The following FGD5 variants were observed in gnomAD, a reference collection of about 807,000 sequenced individuals.
FGD5 encodes the protein FYVE, RhoGEF and PH domain containing 5.
A neutral mutation model predicts 133.4 loss-of-function variants in FGD5; 28 were observed. The ratio of observed to expected loss-of-function variants is 0.21; its 90% confidence interval spans 0.16 to 0.29. The LOEUF (loss-of-function observed/expected upper bound fraction) is 0.29. Ranked by LOEUF, FGD5 falls within the 10% of genes least tolerant of loss-of-function variation. FGD5 has a pLI of 1.00. For missense variants in FGD5, 1,858 were observed against 1,895.2 expected (o/e 0.98, Z 0.36); for synonymous variants, 810 against 776.5 (o/e 1.04, Z -0.72).
Position 14,933,173 on chromosome 3 carries a change from A to G in FGD5, c.*6A>G. The stretch of plus-strand genomic sequence containing the variant: ...AAGATGCGAGTGTGTTATAGCAGTT[A>G]TCAAGCATGTGGACTTGTAACAAAT... On this transcript the variant is annotated 3_prime_UTR_variant, in exon 20 of 20. Coordinates refer to ENST00000285046, the MANE Select transcript of FGD5 (RefSeq NM_152536.4). The G allele has an allele frequency of 1.9e-6, 3 of 1,613,406 alleles. No individual in the cohort carries two copies. The highest frequency in any genetic ancestry group is 2.5e-6 in the Non-Finnish European group (3 of 1,179,666).
intron 1 of FGD5, among the ~76,000 whole-genome samples, chr3:14,863,848 C>T: frequency 6.6e-6 from 1 of 152,202 alleles, no homozygotes; most frequent in South Asian, 2.1e-4. Flanking sequence ...CTGCCCGCAT[C>T]CTGAGTTATT....
intron 4 of FGD5, among the ~76,000 whole-genome samples, chr3:14,882,605 G>A (rs1054619304): frequency 3.3e-5 from 5 of 151,780 alleles, no homozygotes; most frequent in Non-Finnish European, 5.9e-5. Context: ...GGCTAAGAGA[G>A]GAGAATCACT....
intron 16 of FGD5, 175 bp downstream of exon 16, chr3:14,923,350 TG>T (rs1289272191): frequency 2.3e-5 from 20 of 865,726 alleles, no homozygotes; most frequent in African/African-American, 5.1e-5. Flanking sequence ...ATGTGGATTC[TG>T]TGGAAAATTG....
At chr3:14,857,171 C>A (rs1012606787) in intron 1 of FGD5, among the ~76,000 whole-genome samples, 18 of 142,252 alleles carry the variant, frequency 1.3e-4, no homozygotes, top group African/African-American at 4.5e-4. Flanking sequence ...TTTTTTTGTT[C>A]TAGAGACAGG....
At chr3:14,855,002 C>A (rs1055250537) in intron 1 of FGD5, among the ~76,000 whole-genome samples, 3 of 152,174 alleles carry the variant, frequency 2.0e-5, no homozygotes, top group Non-Finnish European at 4.4e-5. Flanking sequence ...AGATCTCTCC[C>A]TATCCTCACC....
intron 1 of FGD5, among the ~76,000 whole-genome samples, chr3:14,813,792 C>G (rs897544925): frequency 1.3e-5 from 2 of 150,686 alleles, no homozygotes; most frequent in African/African-American, 5.0e-5. Flanking sequence ...GCTCCTGGCT[C>G]CCCATCCAGT....
intron 1 of FGD5, among the ~76,000 whole-genome samples, chr3:14,848,795 G>A (rs2037104300): frequency 6.6e-6 from 1 of 152,210 alleles, no homozygotes; most frequent in Admixed American, 6.5e-5. Flanking sequence ...AGAGTAGGAT[G>A]TAAGGGTTGA....
At chr3:14,848,542 A>G (rs1036193002) in intron 1 of FGD5, among the ~76,000 whole-genome samples, 1 of 152,194 alleles carries the variant, frequency 6.6e-6, no homozygotes, top group African/African-American at 2.4e-5. Context: ...CCCATGGGGT[A>G]CAGGTTAGGC....
Position 14,821,591 on chromosome 3 carries a change from A to C in FGD5, c.2520A>C (p.Ala840=), listed in dbSNP as rs2036504850. The change falls in exon 1 of 20, where the codon GCA becomes GCC. Residue 840 remains alanine, a synonymous_variant. Coordinates refer to ENST00000285046, the MANE Select transcript of FGD5 (RefSeq NM_152536.4). ...AACAGCAGAGTGCAGACCAGGACGC[A>C]GAAAGGTACCTGACATTCTATTTCC... ...ESKQQSADQD[A]ESAYTEPYKV... is the part of the protein sequence containing the mutation. The C allele has an allele frequency of 6.3e-7, 1 of 1,588,502 alleles. No homozygotes were observed. The highest frequency in any genetic ancestry group is 8.6e-7 in the Non-Finnish European group (1 of 1,165,058).
rs2036431967 is a variant in FGD5 at position 14,819,275 on chromosome 3, C to T, written c.204C>T (p.Val68=). 5 of 1,531,282 alleles carry T rather than the reference C, an allele frequency of 3.3e-6. No individual in the cohort carries two copies. In the East Asian group the frequency reaches 1.2e-4, roughly 38 times the overall value. The allele number at this position is 1,531,282 out of a possible 1,614,324, so 94.9% of individuals were successfully genotyped here. A position where few individuals can be genotyped will look rare whatever the true frequency, so the allele number is the denominator to read the frequency against. ...AGACCGACGAGGATTACATCGTGGT[C>T]CCCAGGGTTCCGCTGAGGGAGGATG... ...ESETDEDYIV[V]PRVPLREDEP... Residue 68 remains valine, a synonymous_variant, in exon 1 of 20, where the codon GTC becomes GTT. Coordinates refer to ENST00000285046, the MANE Select transcript of FGD5 (RefSeq NM_152536.4). The surrounding 1 kb of genome is among the most constrained non-coding windows in gnomAD (Gnocchi z 4.1).
At chr3:14,876,477 TAAC>T (rs1458098249) in intron 2 of FGD5, among the ~76,000 whole-genome samples, 1 of 152,076 alleles carries the variant, frequency 6.6e-6, no homozygotes, top group Non-Finnish European at 1.5e-5. Flanking sequence ...CATTTTAAAA[TAAC>T]AAACCCATTA....
chr3:14,858,559 C>T (rs1016782136), intron 1 of FGD5, among the ~76,000 whole-genome samples: 2 of 152,186 alleles, frequency 1.3e-5, no homozygotes, highest in African/African-American at 2.4e-5. Context: ...AGACTATAGA[C>T]ACTGTACCCT....
At chr3:14,921,228 T>C (rs2038673563) in intron 13 of FGD5, 1 of 153,064 alleles carries the variant, frequency 6.5e-6, no homozygotes, top group South Asian at 2.1e-4. Context: ...CAATGCTGAT[T>C]CAGCCTCTGC....
chr3:14,836,502 G>T (rs2125081556), intron 1 of FGD5, among the ~76,000 whole-genome samples: 1 of 152,352 alleles, frequency 6.6e-6, no homozygotes, highest in Non-Finnish European at 1.5e-5. Flanking sequence ...TCTGCATTCA[G>T]CAGCACCGTG....
chr3:14,864,626 A>G (rs9815168), intron 2 of FGD5, among the ~76,000 whole-genome samples: 1 of 152,190 alleles, frequency 6.6e-6, no homozygotes, highest in Non-Finnish European at 1.5e-5. Context: ...AGTGGAAATC[A>G]TGAGGGTGAG....
chr3:14,863,321 G>T (rs2037436039), intron 1 of FGD5, among the ~76,000 whole-genome samples: 2 of 152,236 alleles, frequency 1.3e-5, no homozygotes, highest in African/African-American at 4.8e-5. Context: ...TAATCAGTCT[G>T]CTGTGTAGAG....
Position 14,922,838 on chromosome 3 carries a change from GGGCTCATCAGAAAAGCAGATAGGCGCT to G in FGD5, c.3808-201_3808-175del, listed in dbSNP as rs1352017211. 3.3e-5 allele frequency among the ~76,000 whole-genome samples: 5 copies of G among 152,148 alleles called. No individual in the cohort carries two copies. The highest frequency in any genetic ancestry group is 1.3e-4 in the Admixed American group (2 of 15,268). On this transcript the variant is annotated intron_variant, in intron 15 of 19. Transcript: ENST00000285046. The surrounding 1 kb of genome is among the most constrained non-coding windows in gnomAD (Gnocchi z 4.1). The stretch of plus-strand genomic sequence containing the variant: ...AGTATCATGTAGTGGTTAAGGGCGC[GGGCTCATCAGAAAAGCAGATAGGCGCT>G]GGCTCAGAAACAAGATGAAGCCTTG...
intron 13 of FGD5, among the ~76,000 whole-genome samples, chr3:14,919,567 G>A (rs964524005): frequency 8.5e-5 from 13 of 152,170 alleles, no homozygotes; most frequent in African/African-American, 2.7e-4. Context: ...GCAGTGAGCC[G>A]AGATTGCACC....
Position 14,921,976 on chromosome 3 carries a change from T to C in FGD5, c.3628T>C (p.Tyr1210His). ...TCTGAGCAGAGCCCTCCCTGAGGAC[T>C]ACAAGGCCCAGGCGCTGGCTGCATT... ...GCLSRALPED[Y>H]KAQALAAFHH... The change falls in exon 14 of 20, where the codon TAC becomes CAC. Residue 1210 changes from tyrosine (Y) to histidine (H), a missense_variant. Coordinates refer to ENST00000285046, the MANE Select transcript of FGD5 (RefSeq NM_152536.4). 2 of 1,571,626 alleles carry C rather than the reference T, an allele frequency of 1.3e-6. No individual in the cohort carries two copies. The highest frequency in any genetic ancestry group is 8.6e-7 in the Non-Finnish European group (1 of 1,158,466).
Sources: gnomAD v4.1 joint callset for allele counts (sites outside exome capture counted in the v4.1 genomes callset) on GRCh38, gnomAD v4.1.1 for gene constraint, Gnocchi (gnomAD v3.1) non-coding constraint, MANE v1.5 for transcripts, NCBI Gene and HGNC (gene_info 2026-07-23, HGNC 2026-07-21) for gene names.